MCMBP: variants seen among roughly 807,000 people sequenced by gnomAD.
MCMBP encodes minichromosome maintenance complex binding protein.
Under a neutral mutation model 81.3 loss-of-function variants are expected in MCMBP, and 31 were observed. The ratio of observed to expected loss-of-function variants is 0.38; its 90% CI spans 0.29 to 0.51. The LOEUF (loss-of-function observed/expected upper bound fraction) is 0.51, where lower values mean the gene tolerates loss of function less well. Ranked by LOEUF, MCMBP falls within the 20% of genes least tolerant of loss-of-function variation. The pLI is 0.87. For synonymous variants in MCMBP, 267 were observed against 275.9 expected (o/e 0.97, Z 0.32); for missense variants, 645 against 772.1 (o/e 0.84, Z 1.95).
rs200043561 is a variant in MCMBP at position 119,842,464 on chromosome 10, G to A, written c.1124+8C>T. The A allele has an allele frequency of 1.5e-4, 240 of 1,610,770 alleles. 1 individual carries two copies. The highest frequency in any genetic ancestry group is 6.8e-4 in the South Asian group (62 of 90,588). Reference sequence around the variant, plus strand: ...CTCCCCTAATTCCCACCAGGATACAGCACTTACACTGTGGAGATGAGATGT... The same window carrying A: ...CTCCCCTAATTCCCACCAGGATACAACACTTACACTGTGGAGATGAGATGT... On this transcript the variant is annotated splice_region_variant and intron_variant, in intron 10 of 15. Transcript: ENST00000369077.
At chr10:119,834,641 A>C (rs1852170565) in intron 14 of MCMBP, among the ~76,000 whole-genome samples, 1 of 151,864 alleles carries the variant, frequency 6.6e-6, no homozygotes. Flanking sequence ...ACATAAAGAG[A>C]TCCCCTATCT....
intron 1 of MCMBP, among the ~76,000 whole-genome samples, chr10:119,860,453 C>T (rs1054222330): frequency 2.9e-4 from 44 of 152,092 alleles, no homozygotes; most frequent in African/African-American, 9.4e-4. Flanking sequence ...AATATTTCAG[C>T]GTGTCTCCTA....
At chr10:119,835,101 G>A (rs1470001643) in intron 14 of MCMBP, among the ~76,000 whole-genome samples, 1 of 152,174 alleles carries the variant, frequency 6.6e-6, no homozygotes, top group African/African-American at 2.4e-5. Flanking sequence ...AATTCTAAAT[G>A]TGTTGATGGA....
chr10:119,849,703 C>T (rs1852740643), intron 6 of MCMBP, 127 bp from the exon 7 acceptor site: 1 of 825,100 alleles, frequency 1.2e-6, no homozygotes, highest in Admixed American at 3.2e-5. Flanking sequence ...CAAGTTGTTA[C>T]AGTTTTTAAG....
chr10:119,830,693 C>G lies in MCMBP; in HGVS notation c.*781G>C, dbSNP rs1158461711. On this transcript the variant is annotated 3_prime_UTR_variant, in exon 16 of 16. Coordinates refer to ENST00000369077, the MANE Select transcript of MCMBP (RefSeq NM_001256378.2). ...TTCTTTTGCCCCCAAAAGCCACATTCATTCCGTTTAAAGGACTCCTCTTAT... is the reference window on the plus strand; with the variant it reads ...TTCTTTTGCCCCCAAAAGCCACATTGATTCCGTTTAAAGGACTCCTCTTAT... The G allele has an allele frequency of 6.6e-6, 1 of 152,560 alleles. No homozygotes were observed. Among genetic ancestry groups the G allele is most frequent in the Non-Finnish European group, 1.5e-5 (1 of 68,026 alleles). 9.5% of individuals were successfully genotyped at this position (152,560 alleles called of 1,614,324 possible).
intron 1 of MCMBP, among the ~76,000 whole-genome samples, chr10:119,870,131 T>C (rs1482776964): frequency 6.6e-6 from 1 of 152,192 alleles, no homozygotes; most frequent in African/African-American, 2.4e-5. Flanking sequence ...TACAATACTA[T>C]ATGACAAGGA....
chr10:119,847,165 A>G (rs1276834280), intron 8 of MCMBP, among the ~76,000 whole-genome samples: 2 of 152,178 alleles, frequency 1.3e-5, no homozygotes, highest in Non-Finnish European at 2.9e-5. Flanking sequence ...GAAATACAGT[A>G]TGAACTCAGT....
At chr10:119,854,772 C>T (rs1397615584) in intron 5 of MCMBP, among the ~76,000 whole-genome samples, 4 of 151,576 alleles carry the variant, frequency 2.6e-5, no homozygotes, top group Admixed American at 6.6e-5. Flanking sequence ...TCCTGGCCAA[C>T]ATGGTGAAAC....
In MCMBP at chr10:119,840,978, C is replaced by G; in HGVS notation, c.1125-18G>C. 7.0e-7 allele frequency: 1 copy of G among 1,421,214 alleles called. No individual in the cohort carries two copies. Among genetic ancestry groups the G allele is most frequent in the South Asian group, 1.2e-5 (1 of 82,834 alleles). 88.0% of individuals were successfully genotyped at this position (1,421,214 alleles called of 1,614,324 possible). A position where few individuals can be genotyped will look rare whatever the true frequency, so the allele number is the denominator to read the frequency against. ...TTGTATATCTAGAAAAGAAAGAAAT[C>G]AATCAATAAGATGCTGAAGTGACTT... On this transcript the variant is annotated intron_variant, in intron 10 of 15. Coordinates refer to ENST00000369077, the MANE Select transcript of MCMBP (RefSeq NM_001256378.2).
chr10:119,849,296 G>T, intron 7 of MCMBP, 129 bp downstream of exon 7: 1 of 932,462 alleles, frequency 1.1e-6, no homozygotes, highest in Admixed American at 3.3e-5. Context: ...TGCTGCTTTA[G>T]GCTATTAAAT....
chr10:119,859,582 AAC>A (rs1405469653), intron 2 of MCMBP, among the ~76,000 whole-genome samples: 1 of 152,246 alleles, frequency 6.6e-6, no homozygotes, highest in Non-Finnish European at 1.5e-5. Context: ...CTCAGGAAGT[AAC>A]AGTCAGTTAC....
rs1408501364 is a variant in MCMBP at position 119,859,842 on chromosome 10, T to C, written c.101A>G (p.Glu34Gly). ...TTCCTTCAGCTTTTCCTTAAAATAC[T>C]CAATTACTTTCTTCTCCCAGTCAGG... ...VNPDWEKKVI[E>G]YFKEKLKENN... The change falls in exon 2 of 16, where the codon GAG becomes GGG. Residue 34 changes from glutamate (E) to glycine (G), a missense_variant. Transcript: ENST00000369077. 6.2e-7 allele frequency: 1 copy of C among 1,613,380 alleles called. No individual in the cohort carries two copies. The highest frequency in any genetic ancestry group is 8.5e-7 in the Non-Finnish European group (1 of 1,179,730).
Position 119,831,526 on chromosome 10 carries a change from A to G in MCMBP, c.1871T>C (p.Leu624Ser), listed in dbSNP as rs1454499485. ...RWLRAKQLES[L>S]RRTRLQQQKC... is the part of the protein sequence containing the mutation. Reference sequence around the variant, plus strand: ...TTGCTGCTGAAGCCTCGTTCTTCTTAAAGACTCTAGCTGCTTTGCTCTCAG... The same window carrying G: ...TTGCTGCTGAAGCCTCGTTCTTCTTGAAGACTCTAGCTGCTTTGCTCTCAG... The change falls in exon 16 of 16, where the codon TTA (leucine) becomes TCA (serine). Residue 624 changes from leucine (L) to serine (S), a missense_variant. By Grantham distance (145) the Leu-to-Ser change is moderately radical. Transcript: ENST00000369077. The G allele has an allele frequency of 6.2e-7, 1 of 1,613,978 alleles. No homozygotes were observed. Among genetic ancestry groups the G allele is most frequent in the African/African-American group, 1.3e-5 (1 of 74,940 alleles).
chr10:119,853,043 A>C lies in MCMBP; in HGVS notation c.574+7T>G. On this transcript the variant is annotated splice_region_variant and intron_variant, in intron 6 of 15. Transcript: ENST00000369077. Reference sequence around the variant, plus strand: ...AAGTCTAGAGAAAACCTGTTGGCACACACTACCTGCTTGTCTGGCACCTGC... The same window carrying C: ...AAGTCTAGAGAAAACCTGTTGGCACCCACTACCTGCTTGTCTGGCACCTGC... 6.2e-7 allele frequency: 1 copy of C among 1,613,844 alleles called. No homozygotes were observed. The highest frequency in any genetic ancestry group is 2.2e-5 in the East Asian group (1 of 44,864).
intron 1 of MCMBP, among the ~76,000 whole-genome samples, chr10:119,868,008 C>T (rs868800096): frequency 6.6e-6 from 1 of 152,344 alleles, no homozygotes; most frequent in South Asian, 2.1e-4. Flanking sequence ...ATAGTCTGCT[C>T]TGCCCCTCTT....
chr10:119,835,530 C>G lies in MCMBP; in HGVS notation c.1707+10G>C, dbSNP rs1173132021. 6.2e-7 allele frequency: 1 copy of G among 1,607,706 alleles called. No homozygotes were observed. Among genetic ancestry groups the G allele is most frequent in the Admixed American group, 1.7e-5 (1 of 59,460 alleles). ...ACACAGGGAAATCCTTTATTTTAAC[C>G]TAGACATACCTTGGTTATTTCATCA... is the stretch of plus-strand genomic sequence containing the variant. On this transcript the variant is annotated intron_variant, in intron 14 of 15. Transcript: ENST00000369077.
At chr10:119,870,271 A>T (rs1350524063) in intron 1 of MCMBP, among the ~76,000 whole-genome samples, 1 of 152,074 alleles carries the variant, frequency 6.6e-6, no homozygotes, top group Non-Finnish European at 1.5e-5. Context: ...ACACTGTGAA[A>T]CCCCGTCTCT....
In MCMBP at chr10:119,830,670, C is replaced by G. The variant is rs576053665; in HGVS notation, c.*804G>C. On this transcript the variant is annotated 3_prime_UTR_variant, in exon 16 of 16. Transcript: ENST00000369077. The stretch of plus-strand genomic sequence containing the variant: ...TAAAGACAATGTAGTGTCTTGGTTT[C>G]TTTTGCCCCCAAAAGCCACATTCAT... The G allele has an allele frequency of 6.5e-6, 1 of 152,672 alleles. No homozygotes were observed. The highest frequency in any genetic ancestry group is 1.5e-5 in the Non-Finnish European group (1 of 68,016). 9.5% of individuals were successfully genotyped at this position (152,672 alleles called of 1,614,324 possible).
rs541723413 is a variant in MCMBP at position 119,841,066 on chromosome 10, C to A, written c.1125-106G>T. ...GCTTAATATTGTCATTAAAAATAAA[C>A]CAGAATATTCTGACCAGTTATTTTA... On this transcript the variant is annotated intron_variant, in intron 10 of 15. Coordinates refer to ENST00000369077, the MANE Select transcript of MCMBP (RefSeq NM_001256378.2). 1.1e-4 allele frequency: 82 copies of A among 720,104 alleles called. 1 individual carries two copies. The South Asian group carries it at 1.3e-3, about 12-fold the overall frequency. The allele number at this position is 720,104 out of a possible 1,614,324, so 44.6% of individuals were successfully genotyped here.
Sources: allele counts gnomAD v4.1 joint callset (sites outside exome capture counted in the v4.1 genomes callset), GRCh38; gene constraint gnomAD v4.1.1; transcripts MANE v1.5; gene names NCBI Gene and HGNC (gene_info 2026-07-23, HGNC 2026-07-21).